ZGRF1: variants seen among roughly 807,000 people sequenced by gnomAD.
ZGRF1 encodes the protein 5'-3' DNA helicase ZGRF1.
A neutral mutation model predicts 203.5 loss-of-function variants in ZGRF1; 196 were observed. That is an observed-to-expected ratio of 0.96 (90% CI 0.86 to 1.08). The LOEUF is 1.08. ZGRF1 is among the 50% of genes least tolerant of loss of function. The pLI, the probability that ZGRF1 is intolerant of heterozygous loss-of-function variation, is 0.00. For missense variants in ZGRF1, 2,326 were observed against 2,416.3 expected (o/e 0.96, Z 0.78); for synonymous variants, 809 against 841.3 (o/e 0.96, Z 0.66).
chr4:112,593,129 T>C (rs1361750690), intron 10 of ZGRF1, among the ~76,000 whole-genome samples: 2 of 152,238 alleles, frequency 1.3e-5, no homozygotes, highest in African/African-American at 4.8e-5. Flanking sequence ...CCATCTAGCC[T>C]GTGGTATTTT....
chr4:112,583,294 CCCTAT>C (rs1346253200), intron 15 of ZGRF1, among the ~76,000 whole-genome samples: 2 of 152,112 alleles, frequency 1.3e-5, no homozygotes, highest in Non-Finnish European at 2.9e-5. Flanking sequence ...CATTCTATTA[CCCTAT>C]AAGCTATGTA....
intron 10 of ZGRF1, among the ~76,000 whole-genome samples, chr4:112,599,768 A>T (rs1386569128): frequency 6.6e-6 from 1 of 152,094 alleles, no homozygotes; most frequent in Non-Finnish European, 1.5e-5. Flanking sequence ...TGACTTCTGA[A>T]ATTGCAGACC....
At chr4:112,573,823 A>G (rs1427282806) in intron 16 of ZGRF1, among the ~76,000 whole-genome samples, 1 of 152,194 alleles carries the variant, frequency 6.6e-6, no homozygotes, top group Admixed American at 6.5e-5. Flanking sequence ...TATGAAGAAT[A>G]CATAAAGAAC....
intron 23 of ZGRF1, among the ~76,000 whole-genome samples, chr4:112,547,974 CTG>C (rs1395235481): frequency 1.3e-5 from 2 of 151,884 alleles, no homozygotes; most frequent in Non-Finnish European, 2.9e-5. Context: ...GGGTTTTACT[CTG>C]TGTCATCCAG....
rs1224557545 is a variant in ZGRF1, at chr4:112,579,958, T to C, written c.4438+1705A>G. The stretch of plus-strand genomic sequence containing the variant: ...ACATGGAACCAAAAAAGAGCCCACA[T>C]TGCTAAGTCGATCCTAAGCCAAAAG... On this transcript the variant is annotated intron_variant, in intron 16 of 27. Transcript: ENST00000505019. Among the ~76,000 whole-genome samples, 2 of 122,974 alleles carry C rather than the reference T, an allele frequency of 1.6e-5. 1 individual carries two copies. Among genetic ancestry groups the C allele is most frequent in the African/African-American group, 5.6e-5 (2 of 35,430 alleles). 80.7% of individuals were successfully genotyped at this position (122,974 alleles called of 152,430 possible).
intron 16 of ZGRF1, chr4:112,565,009 GC>G (rs1742756822): frequency 2.1e-6 from 2 of 932,344 alleles, no homozygotes; most frequent in Non-Finnish European, 3.6e-6. Flanking sequence ...AAGGCAGACT[GC>G]CCACAAATCA....
intron 20 of ZGRF1, among the ~76,000 whole-genome samples, chr4:112,554,986 G>A (rs749006719): frequency 2.0e-5 from 3 of 152,068 alleles, no homozygotes; most frequent in Non-Finnish European, 4.4e-5. Flanking sequence ...TTTAAAATAC[G>A]CATTATTCCA....
At chr4:112,628,952 G>A (rs549501518) in intron 3 of ZGRF1, 38 of 344,230 alleles carry the variant, frequency 1.1e-4, no homozygotes, top group Non-Finnish European at 1.7e-4. Flanking sequence ...GATATGCAAA[G>A]ACCTGAATAT....
At chr4:112,555,835 G>T (rs1268737673) in intron 20 of ZGRF1, among the ~76,000 whole-genome samples, 2 of 152,100 alleles carry the variant, frequency 1.3e-5, no homozygotes, top group African/African-American at 4.8e-5. Flanking sequence ...CATTTCTCAG[G>T]TTCTTCTCAG....
At chr4:112,559,316 A>G (rs549295821) in intron 19 of ZGRF1, among the ~76,000 whole-genome samples, 78 of 152,136 alleles carry the variant, frequency 5.1e-4, no homozygotes, top group Middle Eastern at 3.4e-3. Context: ...CTCCCACCAC[A>G]ACCTCCAAAG....
chr4:112,561,916 T>TTG (rs1742062730), intron 18 of ZGRF1, among the ~76,000 whole-genome samples: 1 of 147,004 alleles, frequency 6.8e-6, no homozygotes, highest in Non-Finnish European at 1.5e-5. Flanking sequence ...TTTCTCTTTT[T>TTG]TTTTTTTTTT....
chr4:112,559,236 T>C (rs1157640356), intron 19 of ZGRF1, among the ~76,000 whole-genome samples: 2 of 152,210 alleles, frequency 1.3e-5, no homozygotes, highest in Non-Finnish European at 2.9e-5. Flanking sequence ...TCTGGCTCTG[T>C]TGCCCAGGCT....
At chr4:112,636,780 G>C (rs1208618784) in intron 1 of ZGRF1, 71 bp downstream of exon 1, 1 of 152,210 alleles carries the variant, frequency 6.6e-6, no homozygotes, top group Non-Finnish European at 1.5e-5. Context: ...TTAAGGAGCA[G>C]AGTCTTTCGT....
chr4:112,598,132 C>A lies in ZGRF1; in HGVS notation c.2976+5392G>T, dbSNP rs539456782. 2.6e-5 allele frequency among the ~76,000 whole-genome samples: 4 copies of A among 152,158 alleles called. No homozygotes were observed. The East Asian group carries it at 7.7e-4, about 29-fold the overall frequency. Reference sequence around the variant, plus strand: ...TAAGCAACTCATGCTAGGAAGGCAGCAATGGGCATTCTTAAGTTGTCAATT... The same window carrying A: ...TAAGCAACTCATGCTAGGAAGGCAGAAATGGGCATTCTTAAGTTGTCAATT... On this transcript the variant is annotated intron_variant, in intron 10 of 27. Transcript: ENST00000505019.
intron 16 of ZGRF1, among the ~76,000 whole-genome samples, chr4:112,579,408 G>C: frequency 8.2e-6 from 1 of 122,698 alleles, no homozygotes; most frequent in Non-Finnish European, 1.8e-5. Flanking sequence ...CATAGTGTTG[G>C]AAGTTCTGGC....
intron 11 of ZGRF1, among the ~76,000 whole-genome samples, chr4:112,588,763 T>G (rs1233816460): frequency 1.3e-5 from 2 of 152,186 alleles, no homozygotes; most frequent in Non-Finnish European, 2.9e-5. Flanking sequence ...GTTGGAAATA[T>G]ACTCTGGAGA....
intron 16 of ZGRF1, among the ~76,000 whole-genome samples, chr4:112,572,473 G>A (rs1280563238): frequency 6.6e-6 from 1 of 152,096 alleles, no homozygotes; most frequent in Non-Finnish European, 1.5e-5. Context: ...AAACCCTTCT[G>A]ACTTTGGCTT....
intron 3 of ZGRF1, among the ~76,000 whole-genome samples, chr4:112,625,265 G>A (rs1264871837): frequency 3.3e-5 from 5 of 152,122 alleles, no homozygotes; most frequent in Non-Finnish European, 4.4e-5. Flanking sequence ...ATCCAGCCTG[G>A]GTGACAGAGC....
At chr4:112,601,599 A>C (rs1749990504) in intron 10 of ZGRF1, among the ~76,000 whole-genome samples, 1 of 151,358 alleles carries the variant, frequency 6.6e-6, no homozygotes, top group Non-Finnish European at 1.5e-5. Context: ...TTAGCTGGGC[A>C]TAGTGGTGGG....
Sources: gnomAD v4.1 joint callset for allele counts (sites outside exome capture counted in the v4.1 genomes callset) on GRCh38, gnomAD v4.1.1 for gene constraint, MANE v1.5 for transcripts, NCBI Gene and HGNC (gene_info 2026-07-23, HGNC 2026-07-21) for gene names.